Variants in DMD observed in about 807,000 individuals in gnomAD.
DMD encodes mutant dystrophin.
Under a neutral mutation model 330.1 loss-of-function variants are expected in DMD, and 63 were observed. The ratio of observed to expected loss-of-function variants is 0.19; its 90% confidence interval spans 0.16 to 0.24. DMD has a LOEUF of 0.24. Among genes scored for constraint, DMD ranks in the 10% least tolerant of loss-of-function variants. The pLI is 1.00. For synonymous variants in DMD, 1,223 were observed against 959.8 expected, an observed-to-expected ratio of 1.27 and a Z score of -5.07; for missense variants, 3,344 against 2,684.1, an observed-to-expected ratio of 1.25 and a Z score of -5.43.
chrX:32,128,182 A>G (rs781780467), intron 44 of DMD, among the ~76,000 whole-genome samples: 32 of 112,379 alleles, frequency 2.8e-4, no homozygotes, highest in African/African-American at 9.7e-4. Context: ...AGCTTCTAAG[A>G]TTTTGAGAAT....
intron 5 of DMD, among the ~76,000 whole-genome samples, chrX:32,818,020 C>G (rs757070905): frequency 8.9e-6 from 1 of 112,031 alleles, no homozygotes; most frequent in East Asian, 2.8e-4. Context: ...GTCAGTTACT[C>G]AGTGAATACA....
intron 63 of DMD, among the ~76,000 whole-genome samples, chrX:31,257,743 G>C (rs1204361394): frequency 8.9e-6 from 1 of 111,732 alleles, no homozygotes; most frequent in African/African-American, 3.3e-5. Flanking sequence ...TCAGGAGTTC[G>C]AGACCAGCCT....
At position 32,879,021 on chromosome X, in the gene DMD, A is replaced by AAAAAAAAAAAAAAAAAAAAC. The variant is rs1352069437; in HGVS notation, c.94-29202_94-29201insGTTTTTTTTTTTTTTTTTTT. ...AGACTACGTCTCAAAAAAAAAACAA[A>AAAAAAAAAAAAAAAAAAAAC]AAACAAAAAACAAACAAAAAAAAAA... On this transcript the variant is annotated intron_variant, in intron 2 of 78. Transcript: ENST00000357033. Among the ~76,000 whole-genome samples, 117 of 101,696 alleles carry AAAAAAAAAAAAAAAAAAAAC rather than the reference A, an allele frequency of 1.2e-3. 3 individuals carry two copies. The highest frequency in any genetic ancestry group is 2.9e-3 in the African/African-American group (83 of 28,250). The allele number at this position is 101,696 out of a possible 115,157, so 88.3% of individuals were successfully genotyped here. A position where few individuals can be genotyped will look rare whatever the true frequency, so the allele number is the denominator to read the frequency against.
chrX:32,167,647 T>C (rs183761873), intron 44 of DMD, among the ~76,000 whole-genome samples: 105 of 112,701 alleles, frequency 9.3e-4, no homozygotes, highest in African/African-American at 3.3e-3. Context: ...ACACGGTTAA[T>C]GCTAAATATG....
chrX:32,470,675 A>G (rs901596291), intron 22 of DMD, among the ~76,000 whole-genome samples: 1 of 111,489 alleles, frequency 9.0e-6, no homozygotes, highest in Non-Finnish European at 1.9e-5. Context: ...CATTATGCCA[A>G]GCATTAAAAA....
At chrX:32,785,373 A>G (rs1293427503) in intron 7 of DMD, among the ~76,000 whole-genome samples, 1 of 111,514 alleles carries the variant, frequency 9.0e-6, no homozygotes, top group African/African-American at 3.3e-5. Context: ...CTGCAAGATT[A>G]AAGTTTGAAT....
intron 7 of DMD, among the ~76,000 whole-genome samples, chrX:32,725,443 A>T (rs927120425): frequency 9.0e-6 from 1 of 111,486 alleles, no homozygotes; most frequent in African/African-American, 3.3e-5. Flanking sequence ...AAATGGATGA[A>T]AAAAGATATT....
At chrX:31,815,622 C>G (rs1000258333) in intron 50 of DMD, among the ~76,000 whole-genome samples, 10 of 111,509 alleles carry the variant, frequency 9.0e-5, no homozygotes, top group Admixed American at 7.6e-4. Context: ...TCCAGTTTCC[C>G]TCCTTTTCCC....
intron 44 of DMD, among the ~76,000 whole-genome samples, chrX:32,141,343 C>G (rs1330555842): frequency 6.4e-5 from 7 of 109,782 alleles, no homozygotes; most frequent in African/African-American, 2.3e-4. Flanking sequence ...GGCCGAGGCA[C>G]AAGAATCACT....
chrX:31,420,752 T>C (rs1314670481), intron 60 of DMD, among the ~76,000 whole-genome samples: 1 of 112,441 alleles, frequency 8.9e-6, no homozygotes, highest in Non-Finnish European at 1.9e-5. Context: ...TCATAACATG[T>C]AACAAAGTCA....
chrX:32,342,166 G>C lies in DMD; in HGVS notation c.5856C>G (p.Leu1952=). ...AMAVEPTQIQ[L]SKRWREIESK... ...TCTCAATTTCCCGCCAGCGCTTGCTGAGCTGGATCTGAGTTGGCTCCACTG... is the reference window on the plus strand; with the variant it reads ...TCTCAATTTCCCGCCAGCGCTTGCTCAGCTGGATCTGAGTTGGCTCCACTG... Residue 1952 remains leucine, a synonymous_variant, in exon 41 of 79, where the codon CTC becomes CTG. Coordinates refer to ENST00000357033, the MANE Select transcript of DMD (RefSeq NM_004006.3). 1 of 1,210,280 alleles carries C rather than the reference G, an allele frequency of 8.3e-7. No individual in the cohort carries two copies. The highest frequency in any genetic ancestry group is 1.1e-6 in the Non-Finnish European group (1 of 894,351).
intron 7 of DMD, among the ~76,000 whole-genome samples, chrX:32,783,034 T>A (rs781073925): frequency 1.0e-5 from 1 of 99,767 alleles, no homozygotes. Flanking sequence ...TATGGTGTGT[T>A]TATATATATA....
At chrX:32,737,334 A>C (rs1309175135) in intron 7 of DMD, among the ~76,000 whole-genome samples, 1 of 111,613 alleles carries the variant, frequency 9.0e-6, no homozygotes, top group African/African-American at 3.3e-5. Context: ...GTGAGGAAAG[A>C]AAGGAAAGCT....
chrX:31,769,338 T>C (rs10521978), intron 51 of DMD, among the ~76,000 whole-genome samples: 14,703 of 112,069 alleles, frequency 0.13, 811 homozygotes, highest in East Asian at 0.24. Flanking sequence ...AGTTTCCTTA[T>C]CACATTGCAT....
intron 44 of DMD, among the ~76,000 whole-genome samples, chrX:32,065,158 A>C (rs1355846309): frequency 1.8e-5 from 2 of 111,614 alleles, no homozygotes; most frequent in Admixed American, 9.5e-5. Context: ...ATTTCAAATG[A>C]TTCCAAGGAT....
chrX:33,152,536 A>AT (rs573960722), intron 1 of DMD, among the ~76,000 whole-genome samples: 7,895 of 104,837 alleles, frequency 0.075, 325 homozygotes, highest in Admixed American at 0.11. Flanking sequence ...GGAGTTTGTG[A>AT]TTTTTTTTTT....
Position 32,184,246 on chromosome X carries a change from C to A in DMD, c.6438+32670G>T, listed in dbSNP as rs1042910630. Among the ~76,000 whole-genome samples the A allele has an allele frequency of 4.6e-5, 5 of 109,765 alleles. 1 individual carries two copies. The Admixed American group carries it at 4.9e-4, about 11-fold the overall frequency. Reference sequence around the variant, plus strand: ...AGGTATTGTTACAATTATTAACGTGCAATTGACCAAAACAATATATGTATA... The same window carrying A: ...AGGTATTGTTACAATTATTAACGTGAAATTGACCAAAACAATATATGTATA... On this transcript the variant is annotated intron_variant, in intron 44 of 78. Transcript: ENST00000357033.
intron 44 of DMD, among the ~76,000 whole-genome samples, chrX:32,093,889 T>A (rs2096490459): frequency 1.8e-5 from 2 of 110,631 alleles, no homozygotes; most frequent in Non-Finnish European, 1.9e-5. Context: ...ACAAGAAAAA[T>A]TAGTTTAAAA....
intron 2 of DMD, among the ~76,000 whole-genome samples, chrX:32,883,885 T>C (rs2084263353): frequency 9.9e-6 from 1 of 101,395 alleles, no homozygotes; most frequent in Non-Finnish European, 2.0e-5. Flanking sequence ...AAATTTAGGC[T>C]CTTAAAAATG....
Sources: allele counts gnomAD v4.1 joint callset (sites outside exome capture counted in the v4.1 genomes callset), GRCh38; gene constraint gnomAD v4.1.1; transcripts MANE v1.5; gene names NCBI Gene and HGNC (gene_info 2026-07-23, HGNC 2026-07-21).